The following MRPL35 variants were observed in gnomAD, a reference collection of about 807,000 sequenced individuals.
The protein encoded by MRPL35 is mitochondrial ribosomal protein L35, also known as large ribosomal subunit protein bL35m.
Under a neutral mutation model 21.6 loss-of-function variants are expected in MRPL35, and 18 were observed. That is an observed-to-expected ratio of 0.83 (90% confidence interval 0.58 to 1.24). The LOEUF (loss-of-function observed/expected upper bound fraction) is 1.24, where lower values mean the gene tolerates loss of function less well. Ranked by LOEUF, MRPL35 falls within the 50% of genes most tolerant of loss-of-function variation. The pLI is 0.00. For missense variants in MRPL35, 223 were observed against 223.2 expected (o/e 1.00, Z 0.01); for synonymous variants, 87 against 86.9 (o/e 1.00, Z -0.01).
rs1450387223 is a variant in MRPL35, at chr2:86,211,907, G to C, written c.*1239G>C. 4.1e-6 allele frequency: 4 copies of C among 985,436 alleles called. No homozygotes were observed. Among genetic ancestry groups the C allele is most frequent in the Non-Finnish European group, 4.8e-6 (4 of 830,048 alleles). The allele number at this position is 985,436 out of a possible 1,614,324, so 61.0% of individuals were successfully genotyped here. On this transcript the variant is annotated 3_prime_UTR_variant, in exon 4 of 4. Coordinates refer to ENST00000337109, the MANE Select transcript of MRPL35 (RefSeq NM_016622.4). ...CAACAATCATTGTAGAAACTAAGGGGGAGAAAGTAATCTCAGTTGTTTTAG... is the reference window on the plus strand; with the variant it reads ...CAACAATCATTGTAGAAACTAAGGGCGAGAAAGTAATCTCAGTTGTTTTAG...
chr2:86,210,635 G>A lies in MRPL35; in HGVS notation c.534G>A (p.Gln178=), dbSNP rs375163551. The A allele has an allele frequency of 2.5e-6, 4 of 1,612,714 alleles. No homozygotes were observed. Among genetic ancestry groups the A allele is most frequent in the African/African-American group, 1.3e-5 (1 of 74,842 alleles). Residue 178 remains glutamine (Q), a synonymous_variant, in exon 4 of 4, where the codon CAG becomes CAA. Transcript: ENST00000337109. The stretch of plus-strand genomic sequence containing the variant: ...ACTGGTACGTTGATGATCCTTATCA[G>A]AAGTATCATGATCGAACAAACCTGA... The part of the protein sequence containing the change: ...RRNWYVDDPY[Q]KYHDRTNLKV
intron 3 of MRPL35, among the ~76,000 whole-genome samples, chr2:86,208,345 C>T (rs1340510289): frequency 1.3e-5 from 2 of 150,986 alleles, no homozygotes; most frequent in Non-Finnish European, 2.9e-5. Context: ...GTCACTCTAT[C>T]GCCCAGGCTA....
At position 86,211,100 on chromosome 2, in the gene MRPL35, G is replaced by T; in HGVS notation, c.*432G>T. 1.3e-5 allele frequency: 13 copies of T among 988,010 alleles called. No individual in the cohort carries two copies. The highest frequency in any genetic ancestry group is 1.6e-5 in the Non-Finnish European group (13 of 831,626). 61.2% of individuals were successfully genotyped at this position (988,010 alleles called of 1,614,324 possible). A position where few individuals can be genotyped will look rare whatever the true frequency, so the allele number is the denominator to read the frequency against. ...CCCAGCCTCAGGAAGAGTAGAAATT[G>T]GGTGGTGCTCCTCAGCAGGGGAAGG... On this transcript the variant is annotated 3_prime_UTR_variant, in exon 4 of 4. Transcript: ENST00000337109.
At chr2:86,205,632 T>G (rs370131747) in intron 1 of MRPL35, among the ~76,000 whole-genome samples, 4 of 152,238 alleles carry the variant, frequency 2.6e-5, no homozygotes, top group Non-Finnish European at 5.9e-5. Context: ...CCTCCTCTTC[T>G]AAGGGCCTGC....
intron 1 of MRPL35, among the ~76,000 whole-genome samples, chr2:86,203,273 G>A (rs1274649976): frequency 1.3e-5 from 2 of 151,656 alleles, no homozygotes; most frequent in African/African-American, 2.4e-5. Flanking sequence ...TAGTAGAGAC[G>A]GGGTTTCACT....
intron 3 of MRPL35, among the ~76,000 whole-genome samples, chr2:86,207,728 C>T (rs571893464): frequency 5.9e-5 from 9 of 152,310 alleles, no homozygotes; most frequent in Admixed American, 1.3e-4. Flanking sequence ...AATCCCAGCA[C>T]TTTGGGAGGC....
rs1673956902 is a variant in MRPL35 at position 86,213,570 on chromosome 2, G to A, written c.*2902G>A. On this transcript the variant is annotated 3_prime_UTR_variant, in exon 4 of 4. Coordinates refer to ENST00000337109, the MANE Select transcript of MRPL35 (RefSeq NM_016622.4). ...GAGTCTGCCTGTTCAGATGTGAAAGGTAAGGGCTGCAGCAGGTTTAAGGGT... is the reference window on the plus strand; with the variant it reads ...GAGTCTGCCTGTTCAGATGTGAAAGATAAGGGCTGCAGCAGGTTTAAGGGT... The A allele has an allele frequency of 4.5e-6, 7 of 1,541,288 alleles. No individual in the cohort carries two copies. The South Asian group carries it at 8.5e-5, about 19-fold the overall frequency.
At position 86,206,259 on chromosome 2, in the gene MRPL35, A is replaced by G. The variant is rs978923662; in HGVS notation, c.197A>G (p.Asn66Ser). 3.7e-6 allele frequency: 6 copies of G among 1,613,602 alleles called. No homozygotes were observed. Among genetic ancestry groups the G allele is most frequent in the Non-Finnish European group, 5.1e-6 (6 of 1,179,650 alleles). Residue 66 changes from asparagine (N) to serine (S), a missense_variant, in exon 2 of 4, where the codon AAC becomes AGC. By Grantham distance (46) the Asn-to-Ser change is conservative. Transcript: ENST00000337109. ...STPRLTTSER[N>S]LTCGHTSVIL... ...CCCAGACTTACCACATCTGAGAGAA[A>G]CCTGACATGTGGGCATACCTCAGTG...
chr2:86,212,555 C>T lies in MRPL35; in HGVS notation c.*1887C>T. On this transcript the variant is annotated 3_prime_UTR_variant, in exon 4 of 4. Transcript: ENST00000337109. The stretch of plus-strand genomic sequence containing the variant: ...AGTTGGGGAGAAGGATACTTTTGCA[C>T]AGCCTCCATGATGTCTTTATTGCAA... The T allele has an allele frequency of 1.3e-6, 2 of 1,575,966 alleles. No homozygotes were observed. Among genetic ancestry groups the T allele is most frequent in the African/African-American group, 1.4e-5 (1 of 73,524 alleles).
chr2:86,204,054 G>A lies in MRPL35; in HGVS notation c.44-2052G>A, dbSNP rs1186233880. On this transcript the variant is annotated intron_variant, in intron 1 of 3. Transcript: ENST00000337109. ...GGCTGGAGTGCAATGTTGCAGTCTC[G>A]GCTCACTGCACCCTCTTCCTCCCAG... 5.9e-5 allele frequency among the ~76,000 whole-genome samples: 9 copies of A among 151,424 alleles called. No individual in the cohort carries two copies. In the South Asian group the frequency reaches 8.3e-4, roughly 14 times the overall value.
intron 2 of MRPL35, among the ~76,000 whole-genome samples, chr2:86,206,920 G>A (rs994331791): frequency 6.6e-6 from 1 of 152,210 alleles, no homozygotes; most frequent in Admixed American, 6.5e-5. Flanking sequence ...AATCTGGTGG[G>A]AAGATGGATA....
In MRPL35 at chr2:86,210,528, C is replaced by T; in HGVS notation, c.427C>T (p.Arg143Ter). 1.2e-6 allele frequency: 2 copies of T among 1,612,162 alleles called. No individual in the cohort carries two copies. Among genetic ancestry groups the T allele is most frequent in the African/African-American group, 1.3e-5 (1 of 74,930 alleles). The change falls in exon 4 of 4, where the codon CGA becomes TGA. Residue 143 changes from arginine to a stop codon, truncating the protein, a stop_gained. Coordinates refer to ENST00000337109, the MANE Select transcript of MRPL35 (RefSeq NM_016622.4). LOFTEE classifies it high-confidence loss of function. Reference sequence around the variant, plus strand: ...GAAAAAGACACCTGCAAGGAAGAAGCGATTGAGGGAATTTGTATTCTGCAA... The same window carrying T: ...GAAAAAGACACCTGCAAGGAAGAAGTGATTGAGGGAATTTGTATTCTGCAA... Reference protein sequence around the residue: ...LWKKTPARKKRLREFVFCNKT... With the variant: ...LWKKTPARKK
At chr2:86,206,016 T>C (rs1469477478) in intron 1 of MRPL35, 90 bp from the exon 2 acceptor site, 3 of 1,151,310 alleles carry the variant, frequency 2.6e-6, no homozygotes, top group Non-Finnish European at 3.8e-6. Context: ...TAATTATGTT[T>C]AATACTTGGT....
At position 86,212,366 on chromosome 2, in the gene MRPL35, A is replaced by T; in HGVS notation, c.*1698A>T. The T allele has an allele frequency of 6.2e-7, 1 of 1,613,276 alleles. No homozygotes were observed. Among genetic ancestry groups the T allele is most frequent in the Non-Finnish European group, 8.5e-7 (1 of 1,179,634 alleles). On this transcript the variant is annotated 3_prime_UTR_variant, in exon 4 of 4. Coordinates refer to ENST00000337109, the MANE Select transcript of MRPL35 (RefSeq NM_016622.4). The stretch of plus-strand genomic sequence containing the variant: ...GACATTTGATTTGAGGTGAGGTAAA[A>T]GCCTGAAACATGGAATGGCATTCTG...
At chr2:86,202,600 C>T (rs1308384773) in intron 1 of MRPL35, among the ~76,000 whole-genome samples, 2 of 126,076 alleles carry the variant, frequency 1.6e-5, no homozygotes, top group South Asian at 2.5e-4. Flanking sequence ...CAGTTCTTTG[C>T]GATTTAACTT....
At chr2:86,206,320 TTTTTTTGTTTTTTG>T in intron 2 of MRPL35, 25 bp downstream of exon 2, 1 of 1,570,520 alleles carries the variant, frequency 6.4e-7, no homozygotes, top group South Asian at 1.2e-5. Context: ...TTTGTGGGGT[TTTTTTTGTTTTTTG>T]TTTTTTGTTT....
At position 86,212,199 on chromosome 2, in the gene MRPL35, T is replaced by C; in HGVS notation, c.*1531T>C. On this transcript the variant is annotated 3_prime_UTR_variant, in exon 4 of 4. Transcript: ENST00000337109. ...TAGTAAAATTATGAAATTGAAGTTCTGCAGCATGTCAGGCCAGGATTATTA... is the reference window on the plus strand; with the variant it reads ...TAGTAAAATTATGAAATTGAAGTTCCGCAGCATGTCAGGCCAGGATTATTA... 7.6e-7 allele frequency: 1 copy of C among 1,307,274 alleles called. No individual in the cohort carries two copies. The highest frequency in any genetic ancestry group is 3.9e-5 in the Admixed American group (1 of 25,846). The allele number at this position is 1,307,274 out of a possible 1,614,324, so 81.0% of individuals were successfully genotyped here. A position where few individuals can be genotyped will look rare whatever the true frequency, so the allele number is the denominator to read the frequency against.
Position 86,212,262 on chromosome 2 carries a change from G to A in MRPL35, c.*1594G>A. 2.1e-6 allele frequency: 3 copies of A among 1,406,806 alleles called. No homozygotes were observed. Among genetic ancestry groups the A allele is most frequent in the Non-Finnish European group, 2.8e-6 (3 of 1,075,256 alleles). 87.1% of individuals were successfully genotyped at this position (1,406,806 alleles called of 1,614,324 possible). ...GAAACTAGTGTGTGTTTATTAAAAGGAGAAAGGATAACAATAGAATGTTCT... is the reference window on the plus strand; with the variant it reads ...GAAACTAGTGTGTGTTTATTAAAAGAAGAAAGGATAACAATAGAATGTTCT... On this transcript the variant is annotated 3_prime_UTR_variant, in exon 4 of 4. Transcript: ENST00000337109.
chr2:86,200,717 T>G (rs1673668545), intron 1 of MRPL35, among the ~76,000 whole-genome samples: 2 of 152,130 alleles, frequency 1.3e-5, no homozygotes, highest in Non-Finnish European at 2.9e-5. Context: ...TCTCTCTTGT[T>G]GCCCAGGCTG....
Sources: allele counts gnomAD v4.1 joint callset (sites outside exome capture counted in the v4.1 genomes callset), GRCh38; gene constraint gnomAD v4.1.1; transcripts MANE v1.5; gene names NCBI Gene and HGNC (gene_info 2026-07-23, HGNC 2026-07-21).